Variants in GRM7 observed in about 807,000 individuals in gnomAD.
GRM7 encodes the protein metabotropic glutamate receptor 7.
In GRM7, 35 loss-of-function variants were observed where a neutral mutation model predicts 84.5. That is an observed-to-expected ratio of 0.41 (90% CI 0.32 to 0.55). The LOEUF is 0.55. Ranked by LOEUF, GRM7 falls within the 20% of genes least tolerant of loss-of-function variation. GRM7 has a pLI of 0.19. For missense variants in GRM7, 1,003 were observed against 1,194.6 expected (o/e 0.84, Z 2.36); for synonymous variants, 487 against 455.1 (o/e 1.07, Z -0.89).
At chr3:7,584,468 G>A (rs1318532134) in intron 8 of GRM7, among the ~76,000 whole-genome samples, 4 of 152,170 alleles carry the variant, frequency 2.6e-5, no homozygotes, top group Non-Finnish European at 5.9e-5. Flanking sequence ...CTCTATAGCA[G>A]AGGCAAAGAT....
chr3:7,290,631 C>G (rs973382981), intron 2 of GRM7, among the ~76,000 whole-genome samples: 1 of 152,152 alleles, frequency 6.6e-6, no homozygotes, highest in Non-Finnish European at 1.5e-5. Flanking sequence ...TCTAAGCATT[C>G]AGTTTCCTGT....
At chr3:7,338,331 C>G (rs1701504848) in intron 4 of GRM7, among the ~76,000 whole-genome samples, 1 of 151,704 alleles carries the variant, frequency 6.6e-6, no homozygotes, top group South Asian at 2.1e-4. Context: ...ATAATGGACT[C>G]TGGGGACTTG....
chr3:6,863,348 C>A lies in GRM7; in HGVS notation c.519+1441C>A, dbSNP rs548127767. Among the ~76,000 whole-genome samples the A allele has an allele frequency of 1.3e-5, 2 of 152,094 alleles. No homozygotes were observed. Among genetic ancestry groups the A allele is most frequent in the Admixed American group, 6.5e-5 (1 of 15,276 alleles). ...TGCTCCTCATATCTAGAGAACCGGC[C>A]CCTCTCAAGTGCTTTCCCAAAAGGT... On this transcript the variant is annotated intron_variant, in intron 1 of 9. Coordinates refer to ENST00000357716, the MANE Select transcript of GRM7 (RefSeq NM_000844.4). This position sits in a 1 kb window ranked among gnomAD's most constrained non-coding sequence, Gnocchi z 4.8.
intron 1 of GRM7, among the ~76,000 whole-genome samples, chr3:6,878,223 G>A (rs1695383949): frequency 6.6e-6 from 1 of 152,048 alleles, no homozygotes; most frequent in Non-Finnish European, 1.5e-5. Context: ...ATTGTACTTT[G>A]TTTGTTGCTG....
At chr3:7,105,310 A>G (rs1699253150) in intron 1 of GRM7, among the ~76,000 whole-genome samples, 1 of 151,924 alleles carries the variant, frequency 6.6e-6, no homozygotes, top group Admixed American at 6.6e-5. Context: ...ATGAATGAAA[A>G]ATAACTCATA....
In GRM7 at chr3:7,473,739, A is replaced by T. The variant is rs1428697062; in HGVS notation, c.1515+12017A>T. ...GTTGTTTTGAGTAAACCATTGTTTGATTAGAGAGCTTGGCCCAGTTGAGTG... is the reference window on the plus strand; with the variant it reads ...GTTGTTTTGAGTAAACCATTGTTTGTTTAGAGAGCTTGGCCCAGTTGAGTG... On this transcript the variant is annotated intron_variant, in intron 7 of 9. Coordinates refer to ENST00000357716, the MANE Select transcript of GRM7 (RefSeq NM_000844.4). 2.6e-5 allele frequency among the ~76,000 whole-genome samples: 4 copies of T among 152,180 alleles called. No homozygotes were observed. In the South Asian group the frequency reaches 8.3e-4, roughly 31 times the overall value.
At chr3:7,387,535 T>C (rs1694831445) in intron 4 of GRM7, among the ~76,000 whole-genome samples, 1 of 152,194 alleles carries the variant, frequency 6.6e-6, no homozygotes, top group African/African-American at 2.4e-5. Context: ...GTACCATTAA[T>C]TGACTAGGAT....
At chr3:7,555,167 A>C (rs770415289) in intron 7 of GRM7, among the ~76,000 whole-genome samples, 1 of 152,242 alleles carries the variant, frequency 6.6e-6, no homozygotes, top group African/African-American at 2.4e-5. Flanking sequence ...TAACTGGTAC[A>C]ACCCTTAAGC....
chr3:7,723,416 C>A (rs1208383637), intron 9 of GRM7, among the ~76,000 whole-genome samples: 1 of 152,114 alleles, frequency 6.6e-6, no homozygotes, highest in Non-Finnish European at 1.5e-5. Context: ...CTTGTTAGAT[C>A]CCCTCAAATT....
intron 4 of GRM7, among the ~76,000 whole-genome samples, chr3:7,365,863 G>T (rs1008584157): frequency 6.6e-6 from 1 of 151,054 alleles, no homozygotes; most frequent in Non-Finnish European, 1.5e-5. Flanking sequence ...AAAGGATCTG[G>T]ATGCCCTTCT....
intron 9 of GRM7, among the ~76,000 whole-genome samples, chr3:7,714,719 C>T (rs116230414): frequency 1.3e-3 from 200 of 152,278 alleles, no homozygotes; most frequent in Non-Finnish European, 2.4e-3. Flanking sequence ...CCCACCAGCA[C>T]GTAATTTCCT....
At chr3:7,268,756 C>G (rs1321091071) in intron 2 of GRM7, among the ~76,000 whole-genome samples, 1 of 152,112 alleles carries the variant, frequency 6.6e-6, no homozygotes, top group Non-Finnish European at 1.5e-5. Flanking sequence ...CTAAAACTGG[C>G]CAATTTGGGG....
At chr3:7,051,526 A>G (rs549468923) in intron 1 of GRM7, among the ~76,000 whole-genome samples, 3 of 151,956 alleles carry the variant, frequency 2.0e-5, no homozygotes, top group East Asian at 1.9e-4. Context: ...AACATATGCT[A>G]TCAATTGAAT....
At chr3:7,437,521 C>T (rs1697108297) in intron 5 of GRM7, among the ~76,000 whole-genome samples, 2 of 152,098 alleles carry the variant, frequency 1.3e-5, no homozygotes. Flanking sequence ...TTATTGCCTC[C>T]AGTCCTAGAC....
At chr3:7,565,094 T>C (rs1694198311) in intron 7 of GRM7, among the ~76,000 whole-genome samples, 1 of 152,216 alleles carries the variant, frequency 6.6e-6, no homozygotes, top group African/African-American at 2.4e-5. Context: ...AAACATTCAT[T>C]ATATACATAG....
intron 9 of GRM7, among the ~76,000 whole-genome samples, chr3:7,715,041 C>T (rs766644632): frequency 8.5e-5 from 13 of 152,100 alleles, no homozygotes; most frequent in Non-Finnish European, 1.6e-4. Context: ...GACATGCCTT[C>T]GATTTGGGAG....
At chr3:7,460,562 G>T (rs147972326) in intron 6 of GRM7, among the ~76,000 whole-genome samples, 53 of 152,128 alleles carry the variant, frequency 3.5e-4, no homozygotes, top group African/African-American at 1.2e-3. Flanking sequence ...ATTGTTTTCC[G>T]CTGGGAATAT....
At chr3:7,108,847 A>G (rs1323904507) in intron 1 of GRM7, among the ~76,000 whole-genome samples, 2 of 152,106 alleles carry the variant, frequency 1.3e-5, no homozygotes, top group Non-Finnish European at 2.9e-5. Context: ...GCTTGGTTTC[A>G]ATGCAGATAA....
chr3:7,546,579 G>T (rs1421838670), intron 7 of GRM7, among the ~76,000 whole-genome samples: 2 of 152,216 alleles, frequency 1.3e-5, no homozygotes, highest in Non-Finnish European at 2.9e-5. Context: ...CCTGACCTTG[G>T]CTTGCCCAAG....
Sources: allele counts gnomAD v4.1 joint callset (sites outside exome capture counted in the v4.1 genomes callset), GRCh38; gene constraint gnomAD v4.1.1; non-coding constraint Gnocchi (gnomAD v3.1); transcripts MANE v1.5; gene names NCBI Gene and HGNC (gene_info 2026-07-23, HGNC 2026-07-21).